Variants in LTBP1 observed in about 807,000 individuals in gnomAD.
LTBP1 encodes the protein latent-transforming growth factor beta-binding protein 1.
LTBP1 carries 129 observed loss-of-function variants against 207.6 expected under a neutral mutation model. The ratio of observed to expected loss-of-function variants is 0.62; its 90% CI spans 0.54 to 0.72. The LOEUF (loss-of-function observed/expected upper bound fraction) is 0.72. LTBP1 is among the 30% of genes least tolerant of loss of function. The pLI, the probability that LTBP1 is intolerant of heterozygous loss-of-function variation, is 0.00. For missense variants in LTBP1, 2,281 were observed against 2,217.2 expected (o/e 1.03, Z -0.58); for synonymous variants, 963 against 833.7 (o/e 1.16, Z -2.67).
chr2:32,962,853 A>G (rs952814852), intron 2 of LTBP1, among the ~76,000 whole-genome samples: 3 of 152,212 alleles, frequency 2.0e-5, no homozygotes, highest in Non-Finnish European at 4.4e-5. Context: ...CAGCCCTGTT[A>G]AACCAGGAGC....
At chr2:33,342,725 C>CTCA in intron 24 of LTBP1, 113 bp from the exon 25 acceptor site, 1 of 919,208 alleles carries the variant, frequency 1.1e-6, no homozygotes, top group Non-Finnish European at 1.6e-6. Context: ...ACATGTTCAT[C>CTCA]TCATCATCAC....
intron 2 of LTBP1, among the ~76,000 whole-genome samples, chr2:32,989,446 G>A (rs1362854269): frequency 1.3e-5 from 2 of 152,190 alleles, no homozygotes; most frequent in African/African-American, 2.4e-5. Flanking sequence ...GAAAGGCAGA[G>A]GTAACTTGGA....
chr2:33,239,189 T>C (rs2092197587), intron 9 of LTBP1, among the ~76,000 whole-genome samples: 2 of 152,352 alleles, frequency 1.3e-5, no homozygotes, highest in South Asian at 2.1e-4. Context: ...AGTGGAAAAG[T>C]ATGTAAAGCT....
At position 33,365,215 on chromosome 2, in the gene LTBP1, A is replaced by T. The variant is rs573502111; in HGVS notation, c.4541-118A>T. 78 of 827,450 alleles carry T rather than the reference A, an allele frequency of 9.4e-5. No homozygotes were observed. In the African/African-American group the frequency reaches 1.2e-3, roughly 13 times the overall value. 51.3% of individuals were successfully genotyped at this position (827,450 alleles called of 1,614,324 possible). On this transcript the variant is annotated intron_variant, in intron 30 of 33. Coordinates refer to ENST00000404816, the MANE Select transcript of LTBP1 (RefSeq NM_206943.4). Reference sequence around the variant, plus strand: ...AAGACCAGACTGGATTCAGACTTTTACTTGGAAGTCACTCTTAGAAATAGA... The same window carrying T: ...AAGACCAGACTGGATTCAGACTTTTTCTTGGAAGTCACTCTTAGAAATAGA...
At chr2:32,948,065 G>A (rs991048681) in intron 1 of LTBP1, among the ~76,000 whole-genome samples, 1 of 151,888 alleles carries the variant, frequency 6.6e-6, no homozygotes, top group Non-Finnish European at 1.5e-5. Flanking sequence ...AAACACAAAA[G>A]GCATTTCTGC....
At chr2:33,388,854 A>AAGGCCTGAAGCACTCTCAGATG (rs2095290239) in intron 31 of LTBP1, among the ~76,000 whole-genome samples, 2 of 152,198 alleles carry the variant, frequency 1.3e-5, no homozygotes, top group Non-Finnish European at 2.9e-5. Flanking sequence ...CTTTAGATAA[A>AAGGCCTGAAGCACTCTCAGATG]GCCATCCTTC....
At chr2:33,356,001 T>C (rs1270840222) in intron 26 of LTBP1, among the ~76,000 whole-genome samples, 1 of 152,130 alleles carries the variant, frequency 6.6e-6, no homozygotes, top group Non-Finnish European at 1.5e-5. Flanking sequence ...TTATCCACTT[T>C]CTGTTACCGA....
At chr2:33,056,473 G>T in intron 3 of LTBP1, 2 of 850,848 alleles carry the variant, frequency 2.4e-6, no homozygotes, top group South Asian at 2.1e-5. Context: ...GCCAGCTGGA[G>T]GTGATGAGGG....
chr2:33,313,975 A>G (rs1006502112), intron 23 of LTBP1, among the ~76,000 whole-genome samples: 4 of 152,172 alleles, frequency 2.6e-5, no homozygotes, highest in Non-Finnish European at 5.9e-5. Context: ...TAGCCAATAT[A>G]ATTAGAACTG....
intron 9 of LTBP1, among the ~76,000 whole-genome samples, chr2:33,226,698 T>G (rs1484173786): frequency 6.6e-6 from 1 of 152,230 alleles, no homozygotes; most frequent in Non-Finnish European, 1.5e-5. Flanking sequence ...AGATAACTTC[T>G]GGGTCACTGT....
intron 7 of LTBP1, among the ~76,000 whole-genome samples, chr2:33,209,227 A>G (rs984835341): frequency 6.6e-6 from 1 of 152,112 alleles, no homozygotes; most frequent in South Asian, 2.1e-4. Context: ...GGGATGGAGG[A>G]TTCACAAGAA....
intron 31 of LTBP1, among the ~76,000 whole-genome samples, chr2:33,378,718 G>T (rs1342288945): frequency 6.6e-6 from 1 of 152,118 alleles, no homozygotes; most frequent in Admixed American, 6.5e-5. Flanking sequence ...AATTTCTTTT[G>T]ACCTCTTCTT....
intron 5 of LTBP1, among the ~76,000 whole-genome samples, chr2:33,181,430 G>C (rs1027511627): frequency 6.6e-6 from 1 of 152,158 alleles, no homozygotes; most frequent in African/African-American, 2.4e-5. Context: ...CAACTGAAAC[G>C]CCTGACTTAT....
At chr2:33,290,835 A>C (rs1004747643) in intron 19 of LTBP1, among the ~76,000 whole-genome samples, 1 of 152,226 alleles carries the variant, frequency 6.6e-6, no homozygotes, top group Non-Finnish European at 1.5e-5. Flanking sequence ...GGGGGACATC[A>C]AGGAGATGTC....
intron 5 of LTBP1, among the ~76,000 whole-genome samples, chr2:33,183,556 C>T (rs1481101384): frequency 6.6e-6 from 1 of 152,176 alleles, no homozygotes; most frequent in East Asian, 1.9e-4. Context: ...GAAGTCTGAA[C>T]CACGTTGTCG....
intron 20 of LTBP1, among the ~76,000 whole-genome samples, chr2:33,297,440 TTTATTTATTGA>T (rs1244057443): frequency 6.7e-6 from 1 of 149,508 alleles, no homozygotes; most frequent in Non-Finnish European, 1.5e-5. Context: ...TATTTATTTA[TTTATTTATTGA>T]GATGGAGTCT....
intron 23 of LTBP1, among the ~76,000 whole-genome samples, chr2:33,311,289 C>A (rs770392261): frequency 4.6e-5 from 7 of 152,124 alleles, no homozygotes; most frequent in Non-Finnish European, 1.0e-4. Context: ...GTACCCAAGA[C>A]AGATATTTTA....
chr2:33,200,711 T>G (rs1023150444), intron 7 of LTBP1, among the ~76,000 whole-genome samples: 7 of 151,952 alleles, frequency 4.6e-5, no homozygotes, highest in Non-Finnish European at 7.4e-5. Flanking sequence ...GGGAGAAAAT[T>G]TTTGCAACCT....
chr2:33,362,183 A>G (rs2094934635), intron 28 of LTBP1, among the ~76,000 whole-genome samples: 1 of 152,184 alleles, frequency 6.6e-6, no homozygotes, highest in Non-Finnish European at 1.5e-5. Context: ...CCTTTTATAT[A>G]CAAAGTGATT....
Sources: allele counts gnomAD v4.1 joint callset (sites outside exome capture counted in the v4.1 genomes callset), GRCh38; gene constraint gnomAD v4.1.1; transcripts MANE v1.5; gene names NCBI Gene and HGNC (gene_info 2026-07-23, HGNC 2026-07-21).